The following LRRTM4 variants were observed in gnomAD, a reference collection of about 807,000 sequenced individuals.
LRRTM4 encodes leucine-rich repeat transmembrane neuronal protein 4.
In LRRTM4, 25 loss-of-function variants were observed where a neutral mutation model predicts 47.6. The ratio of observed to expected loss-of-function variants is 0.53; its 90% CI spans 0.38 to 0.73. The LOEUF (loss-of-function observed/expected upper bound fraction) is 0.73, where lower values mean the gene tolerates loss of function less well. LRRTM4 is among the 30% of genes least tolerant of loss of function. The probability of loss-of-function intolerance (pLI) is 0.00; values close to 1 mark genes in which losing one functional copy is unlikely to be tolerated. For missense variants in LRRTM4, 638 were observed against 713.4 expected (o/e 0.89, Z 1.20); for synonymous variants, 311 against 269.5 (o/e 1.15, Z -1.51).
chr2:76,867,924 G>A (rs921407487), intron 3 of LRRTM4, among the ~76,000 whole-genome samples: 5 of 152,124 alleles, frequency 3.3e-5, no homozygotes, highest in African/African-American at 1.2e-4. Flanking sequence ...CTGAGGTTTT[G>A]CTGGTTTAAG....
chr2:76,844,367 C>T (rs1671778222), intron 3 of LRRTM4, among the ~76,000 whole-genome samples: 2 of 152,080 alleles, frequency 1.3e-5, no homozygotes, highest in African/African-American at 2.4e-5. Context: ...AATCTCCTGA[C>T]CTTGTGATCC....
At chr2:77,010,697 G>C (rs573127775) in intron 3 of LRRTM4, among the ~76,000 whole-genome samples, 2 of 152,128 alleles carry the variant, frequency 1.3e-5, no homozygotes, top group African/African-American at 4.8e-5. Flanking sequence ...GTTCAAAACT[G>C]TATCTGCCTT....
chr2:77,155,271 T>G (rs1672531298), intron 3 of LRRTM4, among the ~76,000 whole-genome samples: 1 of 151,616 alleles, frequency 6.6e-6, no homozygotes, highest in South Asian at 2.1e-4. Context: ...AAATGAAGGA[T>G]TTTTTTCCTT....
intron 3 of LRRTM4, among the ~76,000 whole-genome samples, chr2:77,072,728 G>C (rs1345698589): frequency 7.0e-6 from 1 of 141,996 alleles, no homozygotes; most frequent in Non-Finnish European, 1.5e-5. Context: ...AAGCCCTGGA[G>C]ATGGAGGTTG....
chr2:77,039,824 C>T (rs1678963961), intron 3 of LRRTM4, among the ~76,000 whole-genome samples: 1 of 150,894 alleles, frequency 6.6e-6, no homozygotes, highest in Non-Finnish European at 1.5e-5. Context: ...ATTAGGACAA[C>T]ATTGCACTCA....
At chr2:77,398,661 G>T (rs1673802030) in intron 3 of LRRTM4, among the ~76,000 whole-genome samples, 1 of 151,838 alleles carries the variant, frequency 6.6e-6, no homozygotes, top group Non-Finnish European at 1.5e-5. Flanking sequence ...AGTGAAGTAT[G>T]CTGGGTATAT....
chr2:77,067,461 G>T (rs904919268), intron 3 of LRRTM4, among the ~76,000 whole-genome samples: 3 of 152,020 alleles, frequency 2.0e-5, no homozygotes, highest in African/African-American at 7.2e-5. Flanking sequence ...CACTCAGGCA[G>T]TGTGGGTGGG....
In LRRTM4 at chr2:77,454,279, G is replaced by A. The variant is rs1454021027; in HGVS notation, c.1551+64039C>T. On this transcript the variant is annotated intron_variant, in intron 3 of 3. Coordinates refer to ENST00000409884, the MANE Select transcript of LRRTM4 (RefSeq NM_001134745.3). ...CACCCGTATTTTAATTCCTAAAAGA[G>A]GAACAAGAACTTCTGCACTCTATCC... 2.0e-5 allele frequency among the ~76,000 whole-genome samples: 3 copies of A among 152,146 alleles called. No individual in the cohort carries two copies. In the South Asian group the frequency reaches 6.2e-4, roughly 32 times the overall value.
chr2:77,355,538 C>T (rs997893193), intron 3 of LRRTM4, among the ~76,000 whole-genome samples: 5 of 152,066 alleles, frequency 3.3e-5, no homozygotes, highest in African/African-American at 1.2e-4. Context: ...CACTGGAGAA[C>T]AATACAACAC....
At chr2:76,848,333 C>G (rs117533645) in intron 3 of LRRTM4, among the ~76,000 whole-genome samples, 1 of 152,148 alleles carries the variant, frequency 6.6e-6, no homozygotes, top group East Asian at 1.9e-4. Context: ...AAAACAATAG[C>G]TTTATCTACC....
At chr2:76,904,897 A>G (rs1673770594) in intron 3 of LRRTM4, among the ~76,000 whole-genome samples, 2 of 152,238 alleles carry the variant, frequency 1.3e-5, no homozygotes, top group Non-Finnish European at 2.9e-5. Context: ...AGGAGCCAAG[A>G]TGGCCAAATA....
At chr2:76,789,061 T>C (rs1333933088) in intron 3 of LRRTM4, among the ~76,000 whole-genome samples, 2 of 152,178 alleles carry the variant, frequency 1.3e-5, no homozygotes, top group African/African-American at 2.4e-5. Flanking sequence ...GCTTTTTCTA[T>C]TACAAAATGA....
chr2:77,101,757 T>C (rs906138662), intron 3 of LRRTM4, among the ~76,000 whole-genome samples: 3 of 152,214 alleles, frequency 2.0e-5, no homozygotes, highest in African/African-American at 7.2e-5. Context: ...ATATGTTAAC[T>C]CTAAAGACCC....
chr2:77,419,807 A>T (rs1341726298), intron 3 of LRRTM4, among the ~76,000 whole-genome samples: 1 of 152,204 alleles, frequency 6.6e-6, no homozygotes, highest in Non-Finnish European at 1.5e-5. Flanking sequence ...TTCAAGAAAA[A>T]AAAAAGAAAA....
At chr2:76,792,948 G>T (rs1447225730) in intron 3 of LRRTM4, among the ~76,000 whole-genome samples, 1 of 152,150 alleles carries the variant, frequency 6.6e-6, no homozygotes, top group Non-Finnish European at 1.5e-5. Flanking sequence ...GGGGTGGAGG[G>T]TGAATCCTGT....
intron 3 of LRRTM4, among the ~76,000 whole-genome samples, chr2:77,457,000 GTGTGTA>G (rs1558751945): frequency 4.0e-5 from 1 of 24,702 alleles, no homozygotes; most frequent in African/African-American, 1.5e-4. Context: ...GTATGTGTGT[GTGTGTA>G]TATATATATA....
At chr2:76,943,576 T>C (rs1468609835) in intron 3 of LRRTM4, among the ~76,000 whole-genome samples, 2 of 152,220 alleles carry the variant, frequency 1.3e-5, no homozygotes, top group East Asian at 1.9e-4. Context: ...ATGGTCTCAT[T>C]ACAATTTTTT....
At chr2:77,125,184 G>A (rs1671622305) in intron 3 of LRRTM4, among the ~76,000 whole-genome samples, 1 of 152,152 alleles carries the variant, frequency 6.6e-6, no homozygotes, top group Non-Finnish European at 1.5e-5. Context: ...AGTTCTAGCT[G>A]TCTTAGTGGA....
intron 3 of LRRTM4, among the ~76,000 whole-genome samples, chr2:77,403,480 G>C (rs1300537812): frequency 6.6e-6 from 1 of 151,580 alleles, no homozygotes; most frequent in African/African-American, 2.4e-5. Context: ...TAAATGAGAA[G>C]TAAAGAAAAT....
Sources: gnomAD v4.1 joint callset for allele counts (sites outside exome capture counted in the v4.1 genomes callset) on GRCh38, gnomAD v4.1.1 for gene constraint, MANE v1.5 for transcripts, NCBI Gene and HGNC (gene_info 2026-07-23, HGNC 2026-07-21) for gene names.